The following EPB41 variants were observed in gnomAD, a reference collection of about 807,000 sequenced individuals.
EPB41 encodes erythrocyte membrane protein band 4.1.
Under a neutral mutation model 108.0 loss-of-function variants are expected in EPB41, and 65 were observed. That is an observed-to-expected ratio of 0.60 (90% CI 0.49 to 0.74). EPB41 has a LOEUF of 0.74. Among genes scored for constraint, EPB41 ranks in the 30% least tolerant of loss-of-function variants. The probability of loss-of-function intolerance (pLI) is 0.00; values close to 1 mark genes in which losing one functional copy is unlikely to be tolerated. For missense variants in EPB41, 875 were observed against 1,037.0 expected (o/e 0.84, Z 2.15); for synonymous variants, 336 against 358.9 (o/e 0.94, Z 0.72).
At chr1:29,058,894 AC>A in intron 14 of EPB41, 42 bp downstream of exon 14, 1 of 1,485,444 alleles carries the variant, frequency 6.7e-7, no homozygotes, top group Non-Finnish European at 9.2e-7. Context: ...TTGCCATTTC[AC>A]CCATGCTGAC....
At chr1:29,083,582 C>T (rs1306860597) in intron 16 of EPB41, among the ~76,000 whole-genome samples, 1 of 152,062 alleles carries the variant, frequency 6.6e-6, no homozygotes, top group Non-Finnish European at 1.5e-5. Flanking sequence ...AAGCCATTAC[C>T]ACATCTGATT....
rs1384249340 is a variant in EPB41 at position 28,987,776 on chromosome 1, G to C, written c.339G>C (p.Gln113His). 7 of 1,614,178 alleles carry C rather than the reference G, an allele frequency of 4.3e-6. No individual in the cohort carries two copies. Among genetic ancestry groups the C allele is most frequent in the Middle Eastern group, 3.3e-4 (2 of 6,062 alleles). The change falls in exon 2 of 21, where the codon CAG becomes CAC. Residue 113 changes from glutamine (Q) to histidine (H), a missense_variant. Physicochemically the swap from Gln to His is conservative, Grantham distance 24. Around this residue, in one of 3 missense-constraint regions of EPB41, gnomAD observed 353 missense variants for 393.2 expected, o/e 0.90. Coordinates refer to ENST00000343067, the MANE Select transcript of EPB41 (RefSeq NM_001376013.1). ...ESDKEKGEGG[Q>H]KEIEFGTSLD... The stretch of plus-strand genomic sequence containing the variant: ...ATAAAGAAAAAGGTGAAGGAGGTCA[G>C]AAAGAGATAGAATTTGGAACCAGTC...
intron 16 of EPB41, among the ~76,000 whole-genome samples, chr1:29,079,262 G>T (rs1573647008): frequency 6.6e-6 from 1 of 151,762 alleles, no homozygotes. Context: ...CTCCCAAAGT[G>T]CTGGGATTAC....
At position 29,039,269 on chromosome 1, in the gene EPB41, C is replaced by A; in HGVS notation, c.1479C>A (p.Asp493Glu). Residue 493 changes from aspartate (D) to glutamate (E), a missense_variant, in exon 11 of 21, where the codon GAC (aspartate) becomes GAA (glutamate). Around this residue, in one of 3 missense-constraint regions of EPB41, gnomAD observed 519 missense variants for 627.3 expected, o/e 0.83. Transcript: ENST00000343067. ...HHTFFRLTST[D>E]TIPKSKFLAL... ...TTCCCCCCAGATTGACATCTACAGACACCATTCCCAAAAGCAAATTTCTTG... is the reference window on the plus strand; with the variant it reads ...TTCCCCCCAGATTGACATCTACAGAAACCATTCCCAAAAGCAAATTTCTTG... 6.2e-7 allele frequency: 1 copy of A among 1,613,992 alleles called. No individual in the cohort carries two copies. The highest frequency in any genetic ancestry group is 8.5e-7 in the Non-Finnish European group (1 of 1,179,968).
intron 16 of EPB41, chr1:29,097,007 C>T (rs1663442128): frequency 6.6e-6 from 1 of 152,126 alleles, no homozygotes; most frequent in South Asian, 2.1e-4. Flanking sequence ...ATTTCAGGCC[C>T]CAAATAATTT....
rs150853205 is a variant in EPB41 at position 29,079,112 on chromosome 1, C to T, written c.2184+13954C>T. On this transcript the variant is annotated intron_variant, in intron 16 of 20. Coordinates refer to ENST00000343067, the MANE Select transcript of EPB41 (RefSeq NM_001376013.1). Reference sequence around the variant, plus strand: ...CCGGGTTAAAGTGATTCTCCTGCCTCAGCCTCCAGAGTAGCTGGTATTACA... The same window carrying T: ...CCGGGTTAAAGTGATTCTCCTGCCTTAGCCTCCAGAGTAGCTGGTATTACA... Among the ~76,000 whole-genome samples the T allele has an allele frequency of 8.5e-3, 1,290 of 152,006 alleles. 11 individuals carry two copies. The highest frequency in any genetic ancestry group is 0.078 in the Middle Eastern group (23 of 294).
Position 29,024,681 on chromosome 1 carries a change from C to A in EPB41, c.1125-5719C>A, listed in dbSNP as rs535249846. Among the ~76,000 whole-genome samples, 5 of 151,804 alleles carry A rather than the reference C, an allele frequency of 3.3e-5. No individual in the cohort carries two copies. The East Asian group carries it at 9.6e-4, about 29-fold the overall frequency. ...AAATAAATATAAATAAAAAAAAATT[C>A]TTATCCTCACTTCACAAGTGATGAA... is the stretch of plus-strand genomic sequence containing the variant. On this transcript the variant is annotated intron_variant, in intron 7 of 20. Coordinates refer to ENST00000343067, the MANE Select transcript of EPB41 (RefSeq NM_001376013.1).
chr1:28,894,120 A>G (rs1262416459), intron 1 of EPB41, among the ~76,000 whole-genome samples: 1 of 152,170 alleles, frequency 6.6e-6, no homozygotes, highest in Admixed American at 6.6e-5. Context: ...GATTCTTTGC[A>G]TCTCAGTTTC....
chr1:28,925,740 G>A (rs539654157), intron 1 of EPB41, among the ~76,000 whole-genome samples: 8 of 152,282 alleles, frequency 5.3e-5, no homozygotes, highest in African/African-American at 1.7e-4. Flanking sequence ...AAAGTAGCAG[G>A]AGTTTAATTC....
At chr1:28,982,388 A>C in intron 1 of EPB41, 7 of 729,460 alleles carry the variant, frequency 9.6e-6, no homozygotes, top group Non-Finnish European at 1.8e-5. Flanking sequence ...TTGTAGTTAC[A>C]AACTTTCGCA....
intron 1 of EPB41, among the ~76,000 whole-genome samples, chr1:28,920,132 G>C (rs1171473983): frequency 6.6e-6 from 1 of 152,152 alleles, no homozygotes; most frequent in Non-Finnish European, 1.5e-5. Context: ...TGATGGAATG[G>C]ATAAGAAATA....
intron 11 of EPB41, among the ~76,000 whole-genome samples, chr1:29,051,897 T>TA (rs10715253): frequency 2.1e-4 from 31 of 144,760 alleles, no homozygotes; most frequent in Middle Eastern, 3.5e-3. Flanking sequence ...GACTCCATCT[T>TA]AAAAAAAAAA....
intron 1 of EPB41, among the ~76,000 whole-genome samples, chr1:28,901,220 C>CAT (rs2091280167): frequency 8.1e-6 from 1 of 123,646 alleles, no homozygotes; most frequent in Non-Finnish European, 1.8e-5. Flanking sequence ...TGAGCCACTG[C>CAT]ACCCGGCTAT....
intron 16 of EPB41, among the ~76,000 whole-genome samples, chr1:29,078,821 G>C (rs974325963): frequency 6.6e-6 from 1 of 152,044 alleles, no homozygotes; most frequent in Non-Finnish European, 1.5e-5. Flanking sequence ...AAATTGCATT[G>C]TGTTAACTGT....
intron 1 of EPB41, among the ~76,000 whole-genome samples, chr1:28,983,740 C>A (rs916188692): frequency 6.6e-6 from 1 of 152,150 alleles, no homozygotes; most frequent in South Asian, 2.1e-4. Flanking sequence ...TCCCTCCAAG[C>A]CCCAGAGGGC....
chr1:29,079,001 T>C (rs967741580), intron 16 of EPB41, among the ~76,000 whole-genome samples: 9 of 152,082 alleles, frequency 5.9e-5, no homozygotes, highest in Admixed American at 5.9e-4. Flanking sequence ...AAAATGATTT[T>C]TTTTTTTTTT....
At chr1:28,946,187 G>T (rs2094481028) in intron 1 of EPB41, among the ~76,000 whole-genome samples, 1 of 151,092 alleles carries the variant, frequency 6.6e-6, no homozygotes, top group Admixed American at 6.6e-5. Flanking sequence ...CCTTAACATT[G>T]TCTACTTCAA....
intron 1 of EPB41, among the ~76,000 whole-genome samples, chr1:28,934,298 T>C (rs776863465): frequency 1.3e-5 from 2 of 152,218 alleles, no homozygotes; most frequent in Non-Finnish European, 2.9e-5. Flanking sequence ...GACTTATCAC[T>C]ACTGATGTTG....
At position 29,015,724 on chromosome 1, in the gene EPB41, T is replaced by C; in HGVS notation, c.862T>C (p.Phe288Leu). Residue 288 changes from phenylalanine (F) to leucine (L), a missense_variant, in exon 6 of 21, where the codon TTT (phenylalanine) becomes CTT (leucine). Transcript: ENST00000343067. ...VPWNFTFNVKFYPPDPAQLTE... is the reference protein window; with the variant it reads ...VPWNFTFNVKLYPPDPAQLTE... ...TTGGAATTTTACATTTAATGTAAAG[T>C]TTTATCCACCTGACCCAGCACAGTT... is the stretch of plus-strand genomic sequence containing the variant. 1 of 1,609,908 alleles carries C rather than the reference T, an allele frequency of 6.2e-7. No individual in the cohort carries two copies. Among genetic ancestry groups the C allele is most frequent in the Non-Finnish European group, 8.5e-7 (1 of 1,176,518 alleles).
Sources: gnomAD v4.1 joint callset for allele counts (sites outside exome capture counted in the v4.1 genomes callset) on GRCh38, gnomAD v4.1.1 for gene constraint, gnomAD v4.1.1 regional missense constraint, MANE v1.5 for transcripts, NCBI Gene and HGNC (gene_info 2026-07-23, HGNC 2026-07-21) for gene names.